Variants in SCAPER observed in about 807,000 individuals in gnomAD.
The protein encoded by SCAPER is S phase cyclin A-associated protein in the endoplasmic reticulum.
SCAPER carries 98 observed loss-of-function variants against 182.2 expected under a neutral mutation model. That is an observed-to-expected ratio of 0.54 (90% CI 0.46 to 0.64). SCAPER has a LOEUF of 0.64. SCAPER is among the 30% of genes least tolerant of loss of function. The pLI is 0.00. For missense variants in SCAPER, 1,432 were observed against 1,690.0 expected, an observed-to-expected ratio of 0.85 and a Z score of 2.68; for synonymous variants, 605 against 564.6, an observed-to-expected ratio of 1.07 and a Z score of -1.01.
intron 24 of SCAPER, 78 bp from the exon 25 acceptor site, chr15:76,471,413 G>A: frequency 6.9e-7 from 1 of 1,440,690 alleles, no homozygotes; most frequent in Non-Finnish European, 9.2e-7. Flanking sequence ...TAAAATGAAT[G>A]GTATGAAAGC....
chr15:76,734,302 T>C (rs2061109946), intron 15 of SCAPER, among the ~76,000 whole-genome samples: 1 of 152,132 alleles, frequency 6.6e-6, no homozygotes, highest in South Asian at 2.1e-4. Flanking sequence ...GGATCAACCC[T>C]CTCATTCTTG....
At chr15:76,606,544 G>A (rs1416455286) in intron 22 of SCAPER, among the ~76,000 whole-genome samples, 1 of 151,964 alleles carries the variant, frequency 6.6e-6, no homozygotes, top group Non-Finnish European at 1.5e-5. Flanking sequence ...ACTTGGTGCA[G>A]AGCTGAGTTC....
At chr15:76,767,449 C>T (rs565592216) in intron 10 of SCAPER, among the ~76,000 whole-genome samples, 5 of 152,082 alleles carry the variant, frequency 3.3e-5, no homozygotes, top group South Asian at 2.1e-4. Flanking sequence ...AATATAAAAC[C>T]GAAATAGTAT....
intron 20 of SCAPER, among the ~76,000 whole-genome samples, chr15:76,686,672 G>C (rs368598268): frequency 3.8e-4 from 58 of 152,150 alleles, no homozygotes; most frequent in African/African-American, 1.3e-3. Flanking sequence ...CAAAAGGATA[G>C]TAAATAAATC....
intron 23 of SCAPER, among the ~76,000 whole-genome samples, chr15:76,571,556 G>C (rs1458553011): frequency 6.6e-6 from 1 of 152,070 alleles, no homozygotes; most frequent in Non-Finnish European, 1.5e-5. Flanking sequence ...GTCTAAAATA[G>C]TTCTCAGAAC....
intron 26 of SCAPER, among the ~76,000 whole-genome samples, chr15:76,406,615 TACACACACACAC>T (rs36219509): frequency 7.4e-5 from 11 of 149,590 alleles, no homozygotes; most frequent in Admixed American, 1.3e-4. Context: ...AGACCCTGTC[TACACACACACAC>T]ACACACACAC....
chr15:76,413,185 A>G (rs1299706050), intron 26 of SCAPER, among the ~76,000 whole-genome samples: 1 of 152,136 alleles, frequency 6.6e-6, no homozygotes, highest in African/African-American at 2.4e-5. Context: ...AAATAATAAT[A>G]GTTTTATTTT....
chr15:76,798,268 G>A (rs967126673), intron 7 of SCAPER, among the ~76,000 whole-genome samples: 11 of 151,052 alleles, frequency 7.3e-5, no homozygotes, highest in East Asian at 2.0e-4. Context: ...GCTAAGGCAC[G>A]AGAATCGCTT....
chr15:76,730,220 A>C (rs2060837896), intron 16 of SCAPER, among the ~76,000 whole-genome samples: 1 of 152,174 alleles, frequency 6.6e-6, no homozygotes, highest in Non-Finnish European at 1.5e-5. Flanking sequence ...TCATCTCCAC[A>C]ACAAGCTCTA....
chr15:76,721,865 T>C (rs942595255), intron 17 of SCAPER, among the ~76,000 whole-genome samples: 1 of 152,192 alleles, frequency 6.6e-6, no homozygotes, highest in Non-Finnish European at 1.5e-5. Flanking sequence ...AATCATGTCA[T>C]CGGCAAACAG....
intron 23 of SCAPER, among the ~76,000 whole-genome samples, chr15:76,541,069 G>A (rs182263631): frequency 5.9e-5 from 9 of 151,692 alleles, no homozygotes; most frequent in African/African-American, 2.2e-4. Flanking sequence ...GCAGTGAGCC[G>A]AGATCATGCC....
chr15:76,707,894 C>T (rs1198898917), intron 17 of SCAPER, among the ~76,000 whole-genome samples: 1 of 151,774 alleles, frequency 6.6e-6, no homozygotes, highest in African/African-American at 2.4e-5. Context: ...ATACAAAGTA[C>T]ATTCTTCAAC....
chr15:76,838,433 G>A (rs919784975), intron 5 of SCAPER, among the ~76,000 whole-genome samples: 9 of 152,164 alleles, frequency 5.9e-5, no homozygotes, highest in African/African-American at 1.9e-4. Flanking sequence ...CTAGCCAAGC[G>A]TCCCCAAAGG....
chr15:76,662,310 C>A (rs2056251671), intron 21 of SCAPER, among the ~76,000 whole-genome samples: 1 of 152,066 alleles, frequency 6.6e-6, no homozygotes, highest in Admixed American at 6.6e-5. Context: ...CCTGCACATT[C>A]TGCACGTGTA....
intron 4 of SCAPER, among the ~76,000 whole-genome samples, chr15:76,844,261 A>G (rs2069795731): frequency 7.6e-6 from 1 of 131,684 alleles, no homozygotes; most frequent in African/African-American, 2.7e-5. Flanking sequence ...AGAGACAAAG[A>G]CAGAAAGAGG....
intron 4 of SCAPER, among the ~76,000 whole-genome samples, chr15:76,842,481 G>A (rs1444980220): frequency 6.6e-6 from 1 of 152,172 alleles, no homozygotes; most frequent in Non-Finnish European, 1.5e-5. Context: ...TGAAGAAGGT[G>A]CCTTGGTTCC....
At chr15:76,568,224 T>TATATATATAC (rs1246463146) in intron 23 of SCAPER, among the ~76,000 whole-genome samples, 4 of 142,852 alleles carry the variant, frequency 2.8e-5, no homozygotes, top group African/African-American at 5.2e-5. Flanking sequence ...TATATATATA[T>TATATATATAC]ACAAATGGGA....
intron 8 of SCAPER, among the ~76,000 whole-genome samples, chr15:76,781,306 T>A (rs2064118397): frequency 6.6e-6 from 1 of 151,966 alleles, no homozygotes; most frequent in South Asian, 2.1e-4. Flanking sequence ...AAGATCGAAT[T>A]AATAAAACGA....
At chr15:76,769,573 T>A (rs1233007762) in intron 10 of SCAPER, among the ~76,000 whole-genome samples, 2 of 151,896 alleles carry the variant, frequency 1.3e-5, no homozygotes, top group African/African-American at 2.4e-5. Context: ...AAAATTTTCA[T>A]CATCCTGCTC....
Sources: gnomAD v4.1 joint callset for allele counts (sites outside exome capture counted in the v4.1 genomes callset) on GRCh38, gnomAD v4.1.1 for gene constraint, MANE v1.5 for transcripts, NCBI Gene and HGNC (gene_info 2026-07-23, HGNC 2026-07-21) for gene names.